NUP58: variants seen among roughly 807,000 people sequenced by gnomAD.
The protein encoded by NUP58 is nucleoporin 58, also known as nucleoporin p58/p45.
A neutral mutation model predicts 70.1 loss-of-function variants in NUP58; 17 were observed. That is an observed-to-expected ratio of 0.24 (90% CI 0.17 to 0.36). The LOEUF (loss-of-function observed/expected upper bound fraction) is 0.36, where lower values mean the gene tolerates loss of function less well. Among genes scored for constraint, NUP58 ranks in the 10% least tolerant of loss-of-function variants. NUP58 has a pLI of 1.00. For missense variants in NUP58, 644 were observed against 701.5 expected, an observed-to-expected ratio of 0.92 and a Z score of 0.93; for synonymous variants, 275 against 257.6, an observed-to-expected ratio of 1.07 and a Z score of -0.65.
Position 25,337,049 on chromosome 13 carries a change from T to C in NUP58, c.1534+15T>C, listed in dbSNP as rs892727458. ...AAACCTTGGAGGTACACTTTAACTT[T>C]TCTAATATTTCATTGAACTATTATA... On this transcript the variant is annotated intron_variant, in intron 14 of 15. Transcript: ENST00000381736. 2 of 1,541,010 alleles carry C rather than the reference T, an allele frequency of 1.3e-6. No homozygotes were observed. Among genetic ancestry groups the C allele is most frequent in the Non-Finnish European group, 1.8e-6 (2 of 1,133,158 alleles).
chr13:25,342,707 T>C (rs2031989506), downstream of NUP58, among the ~76,000 whole-genome samples: 1 of 152,198 alleles, frequency 6.6e-6, no homozygotes, highest in Admixed American at 6.5e-5. Flanking sequence ...AGTCTGATGG[T>C]TTGATATGTA....
At chr13:25,344,422 A>T (rs1173329136), downstream of NUP58, among the ~76,000 whole-genome samples, 1 of 152,202 alleles carries the variant, frequency 6.6e-6, no homozygotes, top group Non-Finnish European at 1.5e-5. Flanking sequence ...GACACCTGAG[A>T]AGCATTAGGT....
At chr13:25,326,650 A>G (rs1197864921) in intron 10 of NUP58, among the ~76,000 whole-genome samples, 2 of 152,168 alleles carry the variant, frequency 1.3e-5, no homozygotes, top group Non-Finnish European at 2.9e-5. Flanking sequence ...AATTGTTACA[A>G]TATTATTAAC....
At chr13:25,307,015 A>C (rs2030396231) in intron 1 of NUP58, among the ~76,000 whole-genome samples, 1 of 152,232 alleles carries the variant, frequency 6.6e-6, no homozygotes, top group South Asian at 2.1e-4. Flanking sequence ...CCAACACCAC[A>C]TTGCCCCATG....
chr13:25,345,906 G>A (rs1259403163), downstream of NUP58, among the ~76,000 whole-genome samples: 1 of 152,180 alleles, frequency 6.6e-6, no homozygotes, highest in African/African-American at 2.4e-5. Context: ...TCAGTAGAAT[G>A]TGTTTGTTTT....
chr13:25,314,604 A>G (rs2030840473), intron 5 of NUP58, among the ~76,000 whole-genome samples: 1 of 152,176 alleles, frequency 6.6e-6, no homozygotes, highest in Non-Finnish European at 1.5e-5. Flanking sequence ...CTGAGGCAGG[A>G]CAATCACTTG....
At position 25,333,047 on chromosome 13, in the gene NUP58, A is replaced by G. The variant is rs990366695; in HGVS notation, c.1435+1489A>G. 6 of 984,414 alleles carry G rather than the reference A, an allele frequency of 6.1e-6. No homozygotes were observed. In the African/African-American group the frequency reaches 1.0e-4, roughly 17 times the overall value. The allele number at this position is 984,414 out of a possible 1,614,324, so 61.0% of individuals were successfully genotyped here. ...AAATAGAACTTGAGAAATGTCAGTT[A>G]TATAAAAAGTTATGTTGTAAGTGAA... On this transcript the variant is annotated intron_variant, in intron 13 of 15. Transcript: ENST00000381736.
chr13:25,346,055 C>T (rs996005746), downstream of NUP58, among the ~76,000 whole-genome samples: 4 of 152,134 alleles, frequency 2.6e-5, no homozygotes, highest in African/African-American at 7.2e-5. Context: ...TTTAATCCCC[C>T]GGGAAGCAAG....
At chr13:25,313,471 A>T in intron 4 of NUP58, 143 bp from the exon 5 acceptor site, 1 of 702,710 alleles carries the variant, frequency 1.4e-6, no homozygotes, top group Non-Finnish European at 2.2e-6. Flanking sequence ...CTTTATTCTT[A>T]AGTATGTAAT....
At chr13:25,309,564 C>A in intron 3 of NUP58, 1 of 320,910 alleles carries the variant, frequency 3.1e-6, no homozygotes, top group South Asian at 5.2e-5. Flanking sequence ...AGTCATTTGA[C>A]TCCAGTTAGT....
intron 12 of NUP58, among the ~76,000 whole-genome samples, chr13:25,331,048 C>T (rs1246246174): frequency 6.6e-6 from 1 of 152,012 alleles, no homozygotes; most frequent in Non-Finnish European, 1.5e-5. Context: ...CATCCATCTG[C>T]ACATTGATGG....
rs527528901 is a variant in NUP58 at position 25,320,677 on chromosome 13, A to G, written c.776+82A>G. On this transcript the variant is annotated intron_variant, in intron 8 of 15. Coordinates refer to ENST00000381736, the MANE Select transcript of NUP58 (RefSeq NM_014089.4). ...AAGGGGAGCATCTCTTCCTCCTAAA[A>G]TCGCATCCTAGAGGAGCATCTCTTA... 5.7e-6 allele frequency: 6 copies of G among 1,055,334 alleles called. No individual in the cohort carries two copies. In the African/African-American group the frequency reaches 8.1e-5, roughly 14 times the overall value. The allele number at this position is 1,055,334 out of a possible 1,614,324, so 65.4% of individuals were successfully genotyped here.
chr13:25,315,596 G>T (rs1312724353), intron 6 of NUP58, 129 bp downstream of exon 6: 2 of 631,742 alleles, frequency 3.2e-6, no homozygotes, highest in South Asian at 4.2e-5. Flanking sequence ...ATCTTAATGT[G>T]TATACGAATA....
downstream of NUP58, among the ~76,000 whole-genome samples, chr13:25,344,867 A>G (rs2032030410): frequency 6.6e-6 from 1 of 152,134 alleles, no homozygotes; most frequent in African/African-American, 2.4e-5. Flanking sequence ...AATATAGTAA[A>G]TCCGAGTTAA....
chr13:25,338,559 T>G (rs1444168036), intron 14 of NUP58, 77 bp from the exon 15 acceptor site: 3 of 1,032,694 alleles, frequency 2.9e-6, no homozygotes, highest in Non-Finnish European at 4.5e-6. Context: ...CTCTGATGAT[T>G]TTCGGTTGTA....
intron 6 of NUP58, 22 bp downstream of exon 6, chr13:25,315,489 TTA>T (rs1354324280): frequency 6.5e-6 from 10 of 1,536,274 alleles, no homozygotes; most frequent in Non-Finnish European, 9.0e-6. Context: ...TGTTGTAACT[TTA>T]TGTTTTAACA....
chr13:25,337,631 T>A (rs1448912065), intron 14 of NUP58, among the ~76,000 whole-genome samples: 1 of 152,192 alleles, frequency 6.6e-6, no homozygotes, highest in Non-Finnish European at 1.5e-5. Context: ...TTCTTTGATA[T>A]GGATAACTGA....
Position 25,301,781 on chromosome 13 carries a change from C to T in NUP58, c.8C>T (p.Thr3Ile). Residue 3 changes from threonine (T) to isoleucine (I), a missense_variant, in exon 1 of 16, where the codon ACA becomes ATA. Thr to Ile is a moderately conservative substitution (Grantham distance 89). Coordinates refer to ENST00000381736, the MANE Select transcript of NUP58 (RefSeq NM_014089.4). ...GTCGAGCCCTGGCCAGACATGTCCA[C>T]AGGGTTCTCCTTCGGGTCCGGGACT... MSTGFSFGSGTLG... is the reference protein window; with the variant it reads MSIGFSFGSGTLG... 6.2e-7 allele frequency: 1 copy of T among 1,612,136 alleles called. No individual in the cohort carries two copies. Among genetic ancestry groups the T allele is most frequent in the Non-Finnish European group, 8.5e-7 (1 of 1,178,938 alleles).
intron 2 of NUP58, among the ~76,000 whole-genome samples, chr13:25,308,826 C>G (rs1566057350): frequency 6.6e-6 from 1 of 152,148 alleles, no homozygotes; most frequent in Non-Finnish European, 1.5e-5. Context: ...CTTGGTCATT[C>G]TTACTACTTT....
Sources: allele counts gnomAD v4.1 joint callset (sites outside exome capture counted in the v4.1 genomes callset), GRCh38; gene constraint gnomAD v4.1.1; transcripts MANE v1.5; gene names NCBI Gene and HGNC (gene_info 2026-07-23, HGNC 2026-07-21).